Variants in TRMT9B observed in about 807,000 individuals in gnomAD.
TRMT9B encodes the protein tRNA methyltransferase 9B (putative).
In TRMT9B, 16 loss-of-function variants were observed where a neutral mutation model predicts 11.5. The ratio of observed to expected loss-of-function variants is 1.39; its 90% CI spans 0.94 to 2.11. The LOEUF is 2.11. Among genes scored for constraint, TRMT9B ranks in the 30% most tolerant of loss-of-function variants. The probability of loss-of-function intolerance (pLI) is 0.00; values close to 1 mark genes in which losing one functional copy is unlikely to be tolerated. For missense variants in TRMT9B, 941 were observed against 553.8 expected (o/e 1.70, Z -7.02); for synonymous variants, 274 against 192.4 (o/e 1.42, Z -3.51).
At chr8:13,009,432 A>AC (rs1811165179) in intron 3 of TRMT9B, among the ~76,000 whole-genome samples, 1 of 152,222 alleles carries the variant, frequency 6.6e-6, no homozygotes, top group African/African-American at 2.4e-5. Flanking sequence ...TTAATAGGTA[A>AC]CCCACTGATA....
At chr8:12,966,094 G>C (rs531570388) in intron 1 of TRMT9B, among the ~76,000 whole-genome samples, 2 of 151,870 alleles carry the variant, frequency 1.3e-5, no homozygotes, top group African/African-American at 4.8e-5. Context: ...GGGAGACCAA[G>C]GTAGAAGGAT....
At position 13,006,224 on chromosome 8, in the gene TRMT9B, C is replaced by T; in HGVS notation, c.22C>T (p.Leu8=). 6.2e-7 allele frequency: 1 copy of T among 1,613,960 alleles called. No homozygotes were observed. The highest frequency in any genetic ancestry group is 1.1e-5 in the South Asian group (1 of 91,048). The change falls in exon 3 of 5, where the codon CTG becomes TTG. Residue 8 remains leucine, a synonymous_variant. Coordinates refer to ENST00000524591, the MANE Select transcript of TRMT9B (RefSeq NM_020844.3). MDHEAAQ[L]EKQHVHNVYE... Reference sequence around the variant, plus strand: ...CAGGATGGATCATGAAGCCGCCCAGCTGGAGAAGCAGCATGTGCACAATGT... The same window carrying T: ...CAGGATGGATCATGAAGCCGCCCAGTTGGAGAAGCAGCATGTGCACAATGT...
Position 13,026,076 on chromosome 8 carries a change from G to T in TRMT9B, c.*4032G>T, listed in dbSNP as rs1211734795. The T allele has an allele frequency of 6.0e-6, 1 of 167,026 alleles. No homozygotes were observed. Among genetic ancestry groups the T allele is most frequent in the Admixed American group, 6.6e-5 (1 of 15,264 alleles). The allele number at this position is 167,026 out of a possible 1,614,324, so 10.3% of individuals were successfully genotyped here. A position where few individuals can be genotyped will look rare whatever the true frequency, so the allele number is the denominator to read the frequency against. On this transcript the variant is annotated 3_prime_UTR_variant, in exon 5 of 5. Coordinates refer to ENST00000524591, the MANE Select transcript of TRMT9B (RefSeq NM_020844.3). ...TAACTCAGTACTTGAACTTGGTGGG[G>T]GAGGGCACAGGTTAAATATGAGCTG...
chr8:12,996,299 A>C (rs1477084298), intron 2 of TRMT9B, among the ~76,000 whole-genome samples: 1 of 152,200 alleles, frequency 6.6e-6, no homozygotes, highest in Non-Finnish European at 1.5e-5. Flanking sequence ...TCCTCTCATC[A>C]TACTGATGAG....
chr8:13,021,371 A>C lies in TRMT9B; in HGVS notation c.692A>C (p.Lys231Thr), dbSNP rs1470498369. ...AGAACCTGTTTTGCAAATATTTCTAAGGAAGGCGAGGAAGAATATGGATTT... is the reference window on the plus strand; with the variant it reads ...AGAACCTGTTTTGCAAATATTTCTACGGAAGGCGAGGAAGAATATGGATTT... ...MARTCFANIS[K>T]EGEEEYGFYS... Residue 231 changes from lysine (K) to threonine (T), a missense_variant, in exon 5 of 5, where the codon AAG (lysine) becomes ACG (threonine). Transcript: ENST00000524591. The C allele has an allele frequency of 6.2e-7, 1 of 1,613,968 alleles. No homozygotes were observed. The highest frequency in any genetic ancestry group is 1.3e-5 in the African/African-American group (1 of 74,954).
intron 1 of TRMT9B, among the ~76,000 whole-genome samples, chr8:12,961,144 C>T (rs1435002076): frequency 6.6e-6 from 1 of 151,572 alleles, no homozygotes; most frequent in Non-Finnish European, 1.5e-5. Context: ...CATCTCAAAA[C>T]AAACAAACAA....
At position 13,028,277 on chromosome 8, in the gene TRMT9B, C is replaced by G. The variant is rs1391944147; in HGVS notation, c.*6233C>G. On this transcript the variant is annotated 3_prime_UTR_variant, in exon 5 of 5. Coordinates refer to ENST00000524591, the MANE Select transcript of TRMT9B (RefSeq NM_020844.3). ...AATCTATCTTACCAATCTGATGGAC[C>G]ATTTGTAAGAGCTGTTTGTCAAATT... 6.0e-6 allele frequency: 1 copy of G among 166,970 alleles called. No homozygotes were observed. Among genetic ancestry groups the G allele is most frequent in the Non-Finnish European group, 1.5e-5 (1 of 68,114 alleles). The allele number at this position is 166,970 out of a possible 1,614,324, so 10.3% of individuals were successfully genotyped here. A position where few individuals can be genotyped will look rare whatever the true frequency, so the allele number is the denominator to read the frequency against.
At chr8:13,014,798 C>G (rs1047870883) in intron 4 of TRMT9B, among the ~76,000 whole-genome samples, 2 of 152,146 alleles carry the variant, frequency 1.3e-5, no homozygotes, top group African/African-American at 2.4e-5. Context: ...CGCGGTGACT[C>G]AGGCCTGTAA....
Position 13,028,830 on chromosome 8 carries a change from A to G in TRMT9B, c.*6786A>G, listed in dbSNP as rs1191015643. ...TCCTGACCTCTTACGAGCTAATCATACCACTTCTAACTAGATTTTCTATTA... is the reference window on the plus strand; with the variant it reads ...TCCTGACCTCTTACGAGCTAATCATGCCACTTCTAACTAGATTTTCTATTA... On this transcript the variant is annotated 3_prime_UTR_variant, in exon 5 of 5. Transcript: ENST00000524591. 1 of 166,610 alleles carries G rather than the reference A, an allele frequency of 6.0e-6. No homozygotes were observed. Among genetic ancestry groups the G allele is most frequent in the African/African-American group, 2.4e-5 (1 of 41,360 alleles). The allele number at this position is 166,610 out of a possible 1,614,324, so 10.3% of individuals were successfully genotyped here. A position where few individuals can be genotyped will look rare whatever the true frequency, so the allele number is the denominator to read the frequency against.
intron 2 of TRMT9B, among the ~76,000 whole-genome samples, chr8:12,993,527 G>T (rs1807759707): frequency 6.6e-6 from 1 of 152,178 alleles, no homozygotes; most frequent in South Asian, 2.1e-4. Context: ...GGGGGGTGCA[G>T]AGACAGCAAG....
At chr8:12,986,092 C>G (rs532441849) in intron 1 of TRMT9B, among the ~76,000 whole-genome samples, 3 of 152,218 alleles carry the variant, frequency 2.0e-5, no homozygotes, top group Admixed American at 2.0e-4. Flanking sequence ...AAACTCCTGA[C>G]CTCAGGTGAT....
In TRMT9B at chr8:13,014,453, C is replaced by T. The variant is rs773628580; in HGVS notation, c.328+1596C>T. Among the ~76,000 whole-genome samples, 14 of 152,084 alleles carry T rather than the reference C, an allele frequency of 9.2e-5. No homozygotes were observed. The South Asian group carries it at 1.0e-3, about 11-fold the overall frequency. On this transcript the variant is annotated intron_variant, in intron 4 of 4. Coordinates refer to ENST00000524591, the MANE Select transcript of TRMT9B (RefSeq NM_020844.3). The stretch of plus-strand genomic sequence containing the variant: ...TCTTGCTGCATCATCACGTGAAATG[C>T]GGCAGGAGACTGGAAGAAGAAGGGG...
intron 2 of TRMT9B, among the ~76,000 whole-genome samples, chr8:12,992,176 C>T (rs566357841): frequency 6.6e-6 from 1 of 152,112 alleles, no homozygotes; most frequent in Admixed American, 6.6e-5. Context: ...GCTCTGTGTT[C>T]TGCACTATCC....
chr8:12,996,039 T>G (rs956783072), intron 2 of TRMT9B, among the ~76,000 whole-genome samples: 1 of 152,178 alleles, frequency 6.6e-6, no homozygotes, highest in African/African-American at 2.4e-5. Context: ...AATTAGAGAA[T>G]GAAGGTAAGC....
chr8:12,986,245 C>G (rs2128876016), intron 1 of TRMT9B, among the ~76,000 whole-genome samples: 1 of 152,190 alleles, frequency 6.6e-6, no homozygotes, highest in East Asian at 1.9e-4. Context: ...GACAATATGC[C>G]CAAGTCTAAA....
intron 2 of TRMT9B, among the ~76,000 whole-genome samples, chr8:13,004,790 C>A (rs552575142): frequency 3.3e-5 from 5 of 152,072 alleles, no homozygotes; most frequent in African/African-American, 9.6e-5. Context: ...AGTGGAGGGA[C>A]AAGGAAAGGG....
chr8:13,003,112 G>C (rs775815047), intron 2 of TRMT9B, among the ~76,000 whole-genome samples: 3 of 152,146 alleles, frequency 2.0e-5, no homozygotes, highest in Non-Finnish European at 2.9e-5. Context: ...GTTCTCCAGA[G>C]TCTTCCAGCA....
chr8:12,962,743 G>A (rs1233002031), intron 1 of TRMT9B, among the ~76,000 whole-genome samples: 1 of 152,066 alleles, frequency 6.6e-6, no homozygotes, highest in African/African-American at 2.4e-5. Flanking sequence ...TTCCCACCTC[G>A]CCCTCCCAAA....
chr8:12,946,023 TTAA>T, intron 1 of TRMT9B, 57 bp downstream of exon 1: 1 of 152,334 alleles, frequency 6.6e-6, no homozygotes, highest in South Asian at 2.1e-4. Flanking sequence ...GATTAGTTGA[TTAA>T]TGTTTGTCAT....
Sources: gnomAD v4.1 joint callset for allele counts (sites outside exome capture counted in the v4.1 genomes callset) on GRCh38, gnomAD v4.1.1 for gene constraint, MANE v1.5 for transcripts, NCBI Gene and HGNC (gene_info 2026-07-23, HGNC 2026-07-21) for gene names.